Variants in USP25 observed in about 807,000 individuals in gnomAD.
USP25 encodes the protein ubiquitin specific peptidase 25, also known as ubiquitin carboxyl-terminal hydrolase 25.
Under a neutral mutation model 158.5 loss-of-function variants are expected in USP25, and 85 were observed. The observed-to-expected ratio is 0.54, with a 90% confidence interval of 0.45 to 0.64. USP25 has a LOEUF of 0.64. Among genes scored for constraint, USP25 ranks in the 30% least tolerant of loss-of-function variants. The pLI, the probability that USP25 is intolerant of heterozygous loss-of-function variation, is 0.00. For synonymous variants in USP25, 464 were observed against 460.4 expected (o/e 1.01, Z -0.10); for missense variants, 1,242 against 1,327.3 (o/e 0.94, Z 1.00).
chr21:15,782,184 C>T (rs1482872865), intron 4 of USP25, among the ~76,000 whole-genome samples: 1 of 152,210 alleles, frequency 6.6e-6, no homozygotes, highest in Non-Finnish European at 1.5e-5. Flanking sequence ...GGCTAGTGTA[C>T]ATCTGTCCCT....
chr21:15,862,400 G>C (rs757784791), intron 20 of USP25, among the ~76,000 whole-genome samples: 8 of 152,006 alleles, frequency 5.3e-5, no homozygotes, highest in Non-Finnish European at 1.0e-4. Context: ...TCTAAAATTG[G>C]AAACACTTCT....
chr21:15,813,467 C>G (rs2036776167), intron 9 of USP25, among the ~76,000 whole-genome samples: 1 of 152,090 alleles, frequency 6.6e-6, no homozygotes, highest in Non-Finnish European at 1.5e-5. Flanking sequence ...CTATCACTAC[C>G]TCTACTATAT....
intron 1 of USP25, among the ~76,000 whole-genome samples, chr21:15,753,162 G>T (rs1184340797): frequency 6.6e-6 from 1 of 152,182 alleles, no homozygotes; most frequent in African/African-American, 2.4e-5. Flanking sequence ...GGTCCCAGTG[G>T]TGCAAATGCA....
chr21:15,847,760 G>T lies in USP25; in HGVS notation c.2435G>T (p.Gly812Val). The change falls in exon 19 of 26, where the codon GGG becomes GTG. Residue 812 changes from glycine (G) to valine (V), a missense_variant. Around this residue, in one of 3 missense-constraint regions of USP25, gnomAD observed 608 missense variants for 605.2 expected, o/e 1.00. Transcript: ENST00000400183. ...VGKFMIESKE[G>V]GYDDEIMMTP... The stretch of plus-strand genomic sequence containing the variant: ...AAATTTATGATTGAATCAAAGGAGG[G>T]GGGGTATGATGACGAGGTACCTTTT... The T allele has an allele frequency of 1.9e-6, 3 of 1,549,384 alleles. No individual in the cohort carries two copies. The highest frequency in any genetic ancestry group is 2.6e-6 in the Non-Finnish European group (3 of 1,145,940).
At chr21:15,751,330 T>C (rs1001487792) in intron 1 of USP25, among the ~76,000 whole-genome samples, 1 of 152,200 alleles carries the variant, frequency 6.6e-6, no homozygotes, top group Non-Finnish European at 1.5e-5. Context: ...ATAGGACATA[T>C]TATATAAGTA....
At chr21:15,731,651 A>G (rs1036691872) in intron 1 of USP25, among the ~76,000 whole-genome samples, 4 of 152,198 alleles carry the variant, frequency 2.6e-5, no homozygotes, top group African/African-American at 9.7e-5. Flanking sequence ...GCACGTTGGG[A>G]AAGTTGTTTT....
At chr21:15,854,334 C>T (rs368255780) in intron 20 of USP25, among the ~76,000 whole-genome samples, 116 of 152,044 alleles carry the variant, frequency 7.6e-4, no homozygotes, top group African/African-American at 2.6e-3. Flanking sequence ...TTAGTAGAGA[C>T]GGGGTTTCAC....
intron 9 of USP25, among the ~76,000 whole-genome samples, chr21:15,812,582 C>T (rs914230331): frequency 1.3e-5 from 2 of 150,976 alleles, no homozygotes; most frequent in African/African-American, 2.4e-5. Context: ...ACCCAGGAGG[C>T]GGAGCTTGCA....
chr21:15,739,450 A>T (rs1281270207), intron 1 of USP25, among the ~76,000 whole-genome samples: 1 of 152,086 alleles, frequency 6.6e-6, no homozygotes, highest in African/African-American at 2.4e-5. Context: ...CACCCTAGGT[A>T]TCCTGGGTGT....
chr21:15,747,858 G>A (rs1266028488), intron 1 of USP25, among the ~76,000 whole-genome samples: 1 of 152,180 alleles, frequency 6.6e-6, no homozygotes, highest in Non-Finnish European at 1.5e-5. Flanking sequence ...AAAGTGAAAC[G>A]AGATAAGGGG....
chr21:15,773,124 T>C (rs1721812032), intron 3 of USP25: 1 of 152,256 alleles, frequency 6.6e-6, no homozygotes, highest in African/African-American at 2.4e-5. Context: ...TAAGGACTAC[T>C]ATTCCTCTAT....
intron 6 of USP25, among the ~76,000 whole-genome samples, chr21:15,804,689 TA>T (rs1291384343): frequency 3.3e-5 from 5 of 152,042 alleles, no homozygotes; most frequent in Non-Finnish European, 1.5e-5. Context: ...AGATTTTTGC[TA>T]AATGGGTTTA....
intron 4 of USP25, among the ~76,000 whole-genome samples, chr21:15,785,738 T>C (rs1411555327): frequency 6.6e-6 from 1 of 152,126 alleles, no homozygotes. Flanking sequence ...AGATTAACTG[T>C]GCAACTCAGA....
intron 12 of USP25, among the ~76,000 whole-genome samples, chr21:15,825,584 C>A (rs941548529): frequency 6.6e-6 from 1 of 152,026 alleles, no homozygotes; most frequent in Non-Finnish European, 1.5e-5. Flanking sequence ...TCACTGTTGT[C>A]TATTGATTTG....
At chr21:15,821,089 A>C (rs2037210596) in intron 10 of USP25, among the ~76,000 whole-genome samples, 1 of 152,062 alleles carries the variant, frequency 6.6e-6, no homozygotes, top group South Asian at 2.1e-4. Context: ...GGAGGAAAAA[A>C]ATTTCAGATA....
rs1474809387 is a variant in USP25 at position 15,791,661 on chromosome 21, T to A, written c.552T>A (p.Ile184=). 1 of 1,606,468 alleles carries A rather than the reference T, an allele frequency of 6.2e-7. No individual in the cohort carries two copies. Residue 184 remains isoleucine, a synonymous_variant, in exon 5 of 26, where the codon ATT becomes ATA. Coordinates refer to ENST00000400183, the MANE Select transcript of USP25 (RefSeq NM_001283041.3). ...ATACTTGTTGGTTTAGTGCTGTTATTCAGGTAAGGATTTTTCTTTATTCAG... is the reference window on the plus strand; with the variant it reads ...ATACTTGTTGGTTTAGTGCTGTTATACAGGTAAGGATTTTTCTTTATTCAG... ...VGNTCWFSAV[I]QSLFNLLEFR... is the part of the protein sequence containing the mutation.
At chr21:15,738,125 T>C (rs2031698134) in intron 1 of USP25, among the ~76,000 whole-genome samples, 1 of 152,234 alleles carries the variant, frequency 6.6e-6, no homozygotes, top group South Asian at 2.1e-4. Context: ...ATCTTTGTCA[T>C]ATATGCAAAA....
At chr21:15,853,473 A>G (rs1347768197) in intron 20 of USP25, among the ~76,000 whole-genome samples, 1 of 152,044 alleles carries the variant, frequency 6.6e-6, no homozygotes, top group Non-Finnish European at 1.5e-5. Context: ...TTTCTATTTG[A>G]ATTAGTTTAG....
chr21:15,848,637 G>A lies in USP25; in HGVS notation c.2451+861G>A, dbSNP rs1457733097. 5.3e-5 allele frequency among the ~76,000 whole-genome samples: 8 copies of A among 151,890 alleles called. No homozygotes were observed. In the East Asian group the frequency reaches 1.5e-3, roughly 29 times the overall value. On this transcript the variant is annotated intron_variant, in intron 19 of 25. Transcript: ENST00000400183. The stretch of plus-strand genomic sequence containing the variant: ...GCATTTATGTTAAGTTTTTTTTCAC[G>A]TAACTTTTTTTCTGACTTACTCCAA...
Sources: allele counts gnomAD v4.1 joint callset (sites outside exome capture counted in the v4.1 genomes callset), GRCh38; gene constraint gnomAD v4.1.1; regional missense constraint gnomAD v4.1.1; transcripts MANE v1.5; gene names NCBI Gene and HGNC (gene_info 2026-07-23, HGNC 2026-07-21).